The following CYFIP2 variants were observed in gnomAD, a reference collection of about 807,000 sequenced individuals.
The protein encoded by CYFIP2 is cytoplasmic FMR1 interacting protein 2.
In CYFIP2, 29 loss-of-function variants were observed where a neutral mutation model predicts 158.7. The ratio of observed to expected loss-of-function variants is 0.18; its 90% CI spans 0.14 to 0.25. The LOEUF (loss-of-function observed/expected upper bound fraction) is 0.25. CYFIP2 is among the 10% of genes least tolerant of loss of function. The pLI, the probability that CYFIP2 is intolerant of heterozygous loss-of-function variation, is 1.00. For missense variants in CYFIP2, 852 were observed against 1,639.5 expected (o/e 0.52, Z 8.29); for synonymous variants, 585 against 617.6 (o/e 0.95, Z 0.78).
In CYFIP2 at chr5:157,279,395, A is replaced by G. The variant is rs536140683; in HGVS notation, c.-23-5944A>G. Among the ~76,000 whole-genome samples the G allele has an allele frequency of 7.9e-4, 120 of 152,376 alleles. 1 individual carries two copies. Among genetic ancestry groups the G allele is most frequent in the Non-Finnish European group, 2.6e-4 (18 of 68,034 alleles). On this transcript the variant is annotated intron_variant, in intron 1 of 30. Transcript: ENST00000620254. ...ATTTCTTTCCAGAAAAATCAAACAGATAATGACAATGCAAGTATTTTGCTT... is the reference window on the plus strand; with the variant it reads ...ATTTCTTTCCAGAAAAATCAAACAGGTAATGACAATGCAAGTATTTTGCTT...
At chr5:157,384,880 C>A (rs1581200078) in intron 28 of CYFIP2, 1 of 208,168 alleles carries the variant, frequency 4.8e-6, no homozygotes, top group East Asian at 1.1e-4. Context: ...GTGGAGGCTG[C>A]AGTGAGCTGA....
chr5:157,379,269 A>T (rs1765798368), intron 26 of CYFIP2, among the ~76,000 whole-genome samples: 1 of 152,102 alleles, frequency 6.6e-6, no homozygotes, highest in African/African-American at 2.4e-5. Flanking sequence ...ATATACTTAC[A>T]TCTCTACTGC....
At chr5:157,273,999 G>A (rs939141785) in intron 1 of CYFIP2, among the ~76,000 whole-genome samples, 3 of 152,066 alleles carry the variant, frequency 2.0e-5, no homozygotes, top group Admixed American at 6.5e-5. Flanking sequence ...GCCAGGCATG[G>A]TGGCAGGTGC....
At chr5:157,331,021 G>A (rs1014404328) in intron 20 of CYFIP2, among the ~76,000 whole-genome samples, 171 bp downstream of exon 20, 1 of 152,196 alleles carries the variant, frequency 6.6e-6, no homozygotes, top group East Asian at 1.9e-4. Flanking sequence ...CAATAAAGAG[G>A]CATTGGGCTT....
chr5:157,369,880 T>TTTTG (rs367888728), intron 26 of CYFIP2, among the ~76,000 whole-genome samples: 6,357 of 60,628 alleles, frequency 0.1, 218 homozygotes, highest in Middle Eastern at 0.16. Context: ...ATGGACCTAG[T>TTTTG]TTTTTTTTTT....
chr5:157,307,907 C>A, intron 9 of CYFIP2, 42 bp downstream of exon 9: 1 of 1,165,528 alleles, frequency 8.6e-7, no homozygotes, highest in Non-Finnish European at 1.3e-6. Context: ...GCTGAGGTTA[C>A]CAGCGCCAAG....
intron 13 of CYFIP2, among the ~76,000 whole-genome samples, chr5:157,319,358 A>G (rs1760406569): frequency 6.6e-6 from 1 of 152,198 alleles, no homozygotes; most frequent in Non-Finnish European, 1.5e-5. Flanking sequence ...GTTCTATTTG[A>G]TGTTGTCTGT....
chr5:157,387,947 T>C (rs1766864338), intron 28 of CYFIP2, among the ~76,000 whole-genome samples: 1 of 152,208 alleles, frequency 6.6e-6, no homozygotes, highest in Non-Finnish European at 1.5e-5. Flanking sequence ...CCTGATTTCC[T>C]TCCCTTCATG....
intron 18 of CYFIP2, among the ~76,000 whole-genome samples, chr5:157,327,384 G>T (rs567486685): frequency 6.6e-6 from 1 of 151,948 alleles, no homozygotes; most frequent in South Asian, 2.1e-4. Flanking sequence ...GGCCAACATG[G>T]TGAAACCCCG....
intron 22 of CYFIP2, among the ~76,000 whole-genome samples, chr5:157,340,753 C>CA (rs1762188694): frequency 6.6e-6 from 1 of 152,160 alleles, no homozygotes; most frequent in East Asian, 1.9e-4. Context: ...CTTGAGAAAC[C>CA]AAACTGGAGG....
intron 23 of CYFIP2, among the ~76,000 whole-genome samples, chr5:157,350,486 A>C (rs2113305644): frequency 6.6e-6 from 1 of 152,304 alleles, no homozygotes; most frequent in South Asian, 2.1e-4. Flanking sequence ...ATTGGTCTAT[A>C]TGCCATTTTA....
chr5:157,361,729 T>C lies in CYFIP2; in HGVS notation c.3039+131T>C, dbSNP rs1763842536. On this transcript the variant is annotated intron_variant, in intron 26 of 30. Transcript: ENST00000620254. This position sits in a 1 kb window ranked among gnomAD's most constrained non-coding sequence, Gnocchi z 4.4. ...AGCTCACATGCTCTTTTCAGTTCAT[T>C]TCCAGACAGACATGGATTCTAGTCC... 1.2e-5 allele frequency: 14 copies of C among 1,168,714 alleles called. No individual in the cohort carries two copies. The South Asian group carries it at 2.0e-4, about 17-fold the overall frequency. The allele number at this position is 1,168,714 out of a possible 1,614,324, so 72.4% of individuals were successfully genotyped here.
chr5:157,309,903 C>A, intron 10 of CYFIP2, 69 bp downstream of exon 10: 1 of 1,388,620 alleles, frequency 7.2e-7, no homozygotes, highest in Non-Finnish European at 1.0e-6. Flanking sequence ...GCCGAGGGGC[C>A]ACTTCAGCCC....
intron 26 of CYFIP2, chr5:157,376,824 C>A: frequency 4.4e-6 from 2 of 449,684 alleles, no homozygotes; most frequent in Non-Finnish European, 8.9e-6. Context: ...AAGCTCAGAT[C>A]TACTCTGCAG....
chr5:157,274,465 T>G lies in CYFIP2; in HGVS notation c.-24+8270T>G, dbSNP rs1756381569. ...AATACTCCATGTGGCTATACAATTTTTTATTTATCAGTTGATGCATATGTT... is the reference window on the plus strand; with the variant it reads ...AATACTCCATGTGGCTATACAATTTGTTATTTATCAGTTGATGCATATGTT... On this transcript the variant is annotated intron_variant, in intron 1 of 30. Transcript: ENST00000620254. 1.1e-4 allele frequency among the ~76,000 whole-genome samples: 16 copies of G among 152,364 alleles called. 1 individual carries two copies. In the South Asian group the frequency reaches 3.3e-3, roughly 32 times the overall value.
At chr5:157,284,678 G>C (rs554477550) in intron 1 of CYFIP2, among the ~76,000 whole-genome samples, 2 of 152,182 alleles carry the variant, frequency 1.3e-5, no homozygotes, top group African/African-American at 4.8e-5. Flanking sequence ...AAGCAGCTGC[G>C]CTGTGCCAGG....
chr5:157,292,863 GTA>G (rs1192649533), intron 3 of CYFIP2, among the ~76,000 whole-genome samples: 3 of 152,108 alleles, frequency 2.0e-5, no homozygotes, highest in African/African-American at 7.2e-5. Context: ...AAGAGTATGT[GTA>G]TGTGTTCCAT....
intron 1 of CYFIP2, among the ~76,000 whole-genome samples, chr5:157,279,817 C>G (rs1756853815): frequency 6.6e-6 from 1 of 152,218 alleles, no homozygotes; most frequent in Admixed American, 6.5e-5. Flanking sequence ...AAGAATCATT[C>G]TCACTTGGAA....
At chr5:157,382,355 A>AT (rs1359328574) in intron 26 of CYFIP2, among the ~76,000 whole-genome samples, 7 of 152,120 alleles carry the variant, frequency 4.6e-5, no homozygotes, top group African/African-American at 1.7e-4. Context: ...AAGGTTATGC[A>AT]TTTTCTCGTT....
Sources: gnomAD v4.1 joint callset for allele counts (sites outside exome capture counted in the v4.1 genomes callset) on GRCh38, gnomAD v4.1.1 for gene constraint, Gnocchi (gnomAD v3.1) non-coding constraint, MANE v1.5 for transcripts, NCBI Gene and HGNC (gene_info 2026-07-23, HGNC 2026-07-21) for gene names.